RALGPS1: variants seen among roughly 807,000 people sequenced by gnomAD.
The protein encoded by RALGPS1 is Ral GEF with PH domain and SH3 binding motif 1.
RALGPS1 carries 19 observed loss-of-function variants against 78.8 expected under a neutral mutation model. That is an observed-to-expected ratio of 0.24 (90% CI 0.17 to 0.35). RALGPS1 has a LOEUF of 0.35. Among genes scored for constraint, RALGPS1 ranks in the 10% least tolerant of loss-of-function variants. The pLI is 1.00. For synonymous variants in RALGPS1, 228 were observed against 256.3 expected, an observed-to-expected ratio of 0.89 and a Z score of 1.06; for missense variants, 454 against 688.3, an observed-to-expected ratio of 0.66 and a Z score of 3.81.
At chr9:127,089,007 G>A (rs375360881) in intron 8 of RALGPS1, 5 of 1,614,074 alleles carry the variant, frequency 3.1e-6, no homozygotes, top group Non-Finnish European at 3.4e-6. Flanking sequence ...GAGCCTCCTC[G>A]GAACTCAGCC....
At chr9:127,024,426 T>C (rs1471520268) in intron 4 of RALGPS1, among the ~76,000 whole-genome samples, 4 of 150,084 alleles carry the variant, frequency 2.7e-5, no homozygotes, top group Non-Finnish European at 5.9e-5. Flanking sequence ...TTGTGACCGC[T>C]CACTTCCTAT....
chr9:127,016,692 G>T (rs539846892), intron 4 of RALGPS1: 1 of 152,268 alleles, frequency 6.6e-6, no homozygotes, highest in South Asian at 2.1e-4. Flanking sequence ...CAGACTTCAA[G>T]CGATGGAGAT....
At chr9:127,157,989 G>A (rs952135463) in intron 8 of RALGPS1, among the ~76,000 whole-genome samples, 6 of 151,926 alleles carry the variant, frequency 3.9e-5, no homozygotes, top group Non-Finnish European at 8.8e-5. Context: ...ATCAGGACAC[G>A]CCAATGAGTT....
rs538086403 is a variant in RALGPS1, at chr9:127,091,523, CAG to C, written c.610+22168_610+22169del. On this transcript the variant is annotated intron_variant, in intron 8 of 18. Coordinates refer to ENST00000259351, the MANE Select transcript of RALGPS1 (RefSeq NM_014636.3). The surrounding 1 kb of genome is among the most constrained non-coding windows in gnomAD (Gnocchi z 4.3). ...ACCTGTGGGCAGGAGAAGGGACCCT[CAG>C]GGGGTGGTAACAGGGTCAGGCAGCT... is the stretch of plus-strand genomic sequence containing the variant. 1,852 of 1,111,812 alleles carry C rather than the reference CAG, an allele frequency of 1.7e-3. 4 individuals are homozygous for C. The highest frequency in any genetic ancestry group is 2.8e-3 in the South Asian group (187 of 66,030). 68.9% of individuals were successfully genotyped at this position (1,111,812 alleles called of 1,614,324 possible). A position where few individuals can be genotyped will look rare whatever the true frequency, so the allele number is the denominator to read the frequency against.
chr9:127,153,289 T>C (rs1254297562), intron 8 of RALGPS1, among the ~76,000 whole-genome samples: 1 of 152,040 alleles, frequency 6.6e-6, no homozygotes, highest in Non-Finnish European at 1.5e-5. Context: ...TAACCCTCTT[T>C]TGTCTCACTC....
At chr9:127,165,922 A>G (rs1469140340) in intron 8 of RALGPS1, 147 bp from the exon 9 acceptor site, 2 of 1,245,796 alleles carry the variant, frequency 1.6e-6, no homozygotes, top group Non-Finnish European at 2.1e-6. Flanking sequence ...AAAATTAGTA[A>G]TCAGGATTGG....
chr9:126,920,144 T>C (rs1049855862), intron 1 of RALGPS1, among the ~76,000 whole-genome samples: 2 of 152,188 alleles, frequency 1.3e-5, no homozygotes, highest in South Asian at 2.1e-4. Context: ...TCTCCAGAGC[T>C]TGACACAGGG....
intron 1 of RALGPS1, among the ~76,000 whole-genome samples, chr9:126,927,910 G>T (rs1291927713): frequency 1.3e-5 from 2 of 152,226 alleles, no homozygotes; most frequent in African/African-American, 4.8e-5. Flanking sequence ...TGTGACTTGG[G>T]GTTGGGGTGC....
chr9:126,950,108 A>G (rs1023083061), intron 1 of RALGPS1, among the ~76,000 whole-genome samples: 17 of 152,254 alleles, frequency 1.1e-4, no homozygotes, highest in Admixed American at 3.3e-4. Flanking sequence ...AGGTTTGTCA[A>G]AGATCAGATA....
chr9:127,163,272 C>T (rs1441816854), intron 8 of RALGPS1, among the ~76,000 whole-genome samples: 1 of 152,110 alleles, frequency 6.6e-6, no homozygotes, highest in Non-Finnish European at 1.5e-5. Flanking sequence ...CCGTTGCTGA[C>T]GCTTCAGGGT....
Position 126,962,278 on chromosome 9 carries a change from G to T in RALGPS1, c.-12G>T. 6.2e-7 allele frequency: 1 copy of T among 1,614,064 alleles called. No individual in the cohort carries two copies. The highest frequency in any genetic ancestry group is 8.5e-7 in the Non-Finnish European group (1 of 1,179,966). ...CAGAGGCTGCCCTGAAGCTCCCTGTGGCCTGGAGACTATGTACAAGAGGAA... is the reference window on the plus strand; with the variant it reads ...CAGAGGCTGCCCTGAAGCTCCCTGTTGCCTGGAGACTATGTACAAGAGGAA... On this transcript the variant is annotated 5_prime_UTR_variant, in exon 2 of 19. Coordinates refer to ENST00000259351, the MANE Select transcript of RALGPS1 (RefSeq NM_014636.3).
chr9:127,207,861 CAG>C (rs1012797574), intron 14 of RALGPS1, among the ~76,000 whole-genome samples: 3 of 152,364 alleles, frequency 2.0e-5, no homozygotes, highest in Admixed American at 6.5e-5. Context: ...CCCGTGGCTC[CAG>C]AGAGAGCAGG....
At chr9:126,928,906 A>G (rs1263366447) in intron 1 of RALGPS1, among the ~76,000 whole-genome samples, 1 of 151,970 alleles carries the variant, frequency 6.6e-6, no homozygotes, top group African/African-American at 2.4e-5. Context: ...CCGGCCAAGG[A>G]TACTCTTACT....
At chr9:126,937,945 A>G (rs1355137190) in intron 1 of RALGPS1, among the ~76,000 whole-genome samples, 1 of 152,184 alleles carries the variant, frequency 6.6e-6, no homozygotes, top group African/African-American at 2.4e-5. Context: ...GGATAAAACC[A>G]GTGTCAGGAA....
intron 4 of RALGPS1, among the ~76,000 whole-genome samples, chr9:127,002,568 G>A (rs1442732813): frequency 3.4e-5 from 5 of 148,498 alleles, no homozygotes; most frequent in African/African-American, 5.0e-5. Flanking sequence ...CTAGCATTAG[G>A]TATATCTCCC....
chr9:126,921,164 C>A (rs545444323), intron 1 of RALGPS1, among the ~76,000 whole-genome samples: 1 of 152,212 alleles, frequency 6.6e-6, no homozygotes, highest in Admixed American at 6.5e-5. Context: ...TTCTCAGGAT[C>A]CTAGTGATAG....
At chr9:126,994,381 A>T (rs1378095440) in intron 4 of RALGPS1, among the ~76,000 whole-genome samples, 1 of 152,252 alleles carries the variant, frequency 6.6e-6, no homozygotes, top group Non-Finnish European at 1.5e-5. Flanking sequence ...TACGTGATGA[A>T]TGCAGAAGCC....
In RALGPS1 at chr9:126,937,010, C is replaced by A. The variant is rs559078635; in HGVS notation, c.-66+22035C>A. The stretch of plus-strand genomic sequence containing the variant: ...GGATTACAGGTATGCACCACCAGAC[C>A]CAGCTAATTTTTGTATTTTTAGTAG... On this transcript the variant is annotated intron_variant, in intron 1 of 18. Transcript: ENST00000259351. Among the ~76,000 whole-genome samples the A allele has an allele frequency of 2.0e-5, 3 of 152,094 alleles. 1 individual carries two copies. The South Asian group carries it at 6.2e-4, about 32-fold the overall frequency.
At chr9:127,152,002 C>A (rs2058450300) in intron 8 of RALGPS1, among the ~76,000 whole-genome samples, 1 of 152,170 alleles carries the variant, frequency 6.6e-6, no homozygotes, top group Admixed American at 6.5e-5. Context: ...CTGCCTCACT[C>A]CTTATTGTTT....
Sources: gnomAD v4.1 joint callset for allele counts (sites outside exome capture counted in the v4.1 genomes callset) on GRCh38, gnomAD v4.1.1 for gene constraint, Gnocchi (gnomAD v3.1) non-coding constraint, MANE v1.5 for transcripts, NCBI Gene and HGNC (gene_info 2026-07-23, HGNC 2026-07-21) for gene names.